The following CSMD1 variants were observed in gnomAD, a reference collection of about 807,000 sequenced individuals.
The protein encoded by CSMD1 is CUB and Sushi multiple domains 1, also known as CUB and sushi domain-containing protein 1.
CSMD1 carries 213 observed loss-of-function variants against 417.5 expected under a neutral mutation model. That is an observed-to-expected ratio of 0.51 (90% CI 0.46 to 0.57). The LOEUF (loss-of-function observed/expected upper bound fraction) is 0.57, where lower values mean the gene tolerates loss of function less well. CSMD1 is among the 20% of genes least tolerant of loss of function. CSMD1 has a pLI of 0.00. For synonymous variants in CSMD1, 2,862 were observed against 1,736.8 expected, an observed-to-expected ratio of 1.65 and a Z score of -16.11; for missense variants, 6,923 against 4,529.7, an observed-to-expected ratio of 1.53 and a Z score of -15.17.
At chr8:3,786,865 G>C (rs138879422) in intron 5 of CSMD1, among the ~76,000 whole-genome samples, 108 of 152,142 alleles carry the variant, frequency 7.1e-4, no homozygotes, top group African/African-American at 2.5e-3. Flanking sequence ...CACATTATGA[G>C]GGCCACACCC....
intron 5 of CSMD1, among the ~76,000 whole-genome samples, chr8:3,877,920 C>T (rs1453240648): frequency 1.3e-5 from 2 of 149,922 alleles, no homozygotes; most frequent in Non-Finnish European, 3.0e-5. Context: ...TTTTATAGGT[C>T]GTGGCCATGA....
At chr8:4,166,130 A>G (rs1198030711) in intron 3 of CSMD1, among the ~76,000 whole-genome samples, 1 of 152,226 alleles carries the variant, frequency 6.6e-6, no homozygotes, top group African/African-American at 2.4e-5. Context: ...TGATGCAAAC[A>G]TAATGTGAAC....
intron 8 of CSMD1, among the ~76,000 whole-genome samples, chr8:3,614,280 A>G (rs1802031278): frequency 6.6e-6 from 1 of 152,162 alleles, no homozygotes; most frequent in South Asian, 2.1e-4. Context: ...ATAAGATTCT[A>G]CAGAAACCTT....
At chr8:3,753,115 C>A (rs1423036097) in intron 6 of CSMD1, among the ~76,000 whole-genome samples, 1 of 152,270 alleles carries the variant, frequency 6.6e-6, no homozygotes, top group East Asian at 1.9e-4. Context: ...CTCTCTGGCA[C>A]ATGGCAGGTG....
At chr8:4,401,292 G>A (rs148712461) in intron 3 of CSMD1, among the ~76,000 whole-genome samples, 6 of 152,034 alleles carry the variant, frequency 3.9e-5, no homozygotes, top group African/African-American at 1.2e-4. Flanking sequence ...AAGTCAAAGT[G>A]CTTTTATAAT....
At chr8:3,985,428 C>A (rs1408134420) in intron 5 of CSMD1, among the ~76,000 whole-genome samples, 2 of 152,058 alleles carry the variant, frequency 1.3e-5, no homozygotes, top group Admixed American at 6.6e-5. Flanking sequence ...TATGTGCACA[C>A]ACACACAAAC....
chr8:3,370,995 A>G (rs138507651), intron 18 of CSMD1, among the ~76,000 whole-genome samples: 7 of 151,864 alleles, frequency 4.6e-5, no homozygotes, highest in African/African-American at 1.7e-4. Context: ...AAGGCAGAGT[A>G]AAGAAAAATT....
At chr8:4,089,790 T>G (rs1466257629) in intron 3 of CSMD1, among the ~76,000 whole-genome samples, 1 of 152,124 alleles carries the variant, frequency 6.6e-6, no homozygotes, top group East Asian at 1.9e-4. Context: ...ATAATGCCAC[T>G]CAGTCTACCG....
chr8:4,356,403 T>C (rs775339951), intron 3 of CSMD1, among the ~76,000 whole-genome samples: 1 of 152,208 alleles, frequency 6.6e-6, no homozygotes, highest in African/African-American at 2.4e-5. Flanking sequence ...TTCTACGATT[T>C]TGCAATTGTC....
intron 7 of CSMD1, among the ~76,000 whole-genome samples, chr8:3,684,200 T>A (rs894173219): frequency 2.1e-5 from 1 of 47,206 alleles, no homozygotes; most frequent in South Asian, 4.7e-4. Context: ...ATATATAACA[T>A]GTAATTATAT....
At chr8:3,131,252 T>C (rs1330089145) in intron 41 of CSMD1, among the ~76,000 whole-genome samples, 10 of 151,994 alleles carry the variant, frequency 6.6e-5, no homozygotes, top group Admixed American at 5.9e-4. Context: ...CTTCAAACCA[T>C]GGTGTAGTAA....
intron 3 of CSMD1, among the ~76,000 whole-genome samples, chr8:4,211,805 C>G (rs143820713): frequency 1.1e-4 from 17 of 152,252 alleles, no homozygotes; most frequent in African/African-American, 3.4e-4. Context: ...TACTTCTGGA[C>G]TTTAGATGAT....
At chr8:3,623,847 T>G (rs1282431275) in intron 7 of CSMD1, among the ~76,000 whole-genome samples, 1 of 151,962 alleles carries the variant, frequency 6.6e-6, no homozygotes, top group East Asian at 1.9e-4. Context: ...CGTGCTGGTG[T>G]GCATCTGTAA....
intron 25 of CSMD1, among the ~76,000 whole-genome samples, chr8:3,285,996 G>A (rs113389353): frequency 0.13 from 20,218 of 151,838 alleles, 1,405 homozygotes; most frequent in Middle Eastern, 0.19. Flanking sequence ...CCCACAACAG[G>A]CCCCAGTGTG....
chr8:4,933,284 C>G (rs529165547), intron 1 of CSMD1, among the ~76,000 whole-genome samples: 6 of 152,262 alleles, frequency 3.9e-5, no homozygotes, highest in Admixed American at 1.3e-4. Flanking sequence ...GCAACATTCT[C>G]TCAGAGGAGC....
intron 10 of CSMD1, among the ~76,000 whole-genome samples, chr8:3,545,010 G>T (rs79624279): frequency 1.2e-4 from 18 of 151,886 alleles, no homozygotes; most frequent in African/African-American, 4.1e-4. Context: ...TTTCTCTCAG[G>T]GAAATTTATC....
intron 49 of CSMD1, among the ~76,000 whole-genome samples, chr8:3,083,154 G>A (rs1279264444): frequency 1.3e-5 from 2 of 151,678 alleles, no homozygotes; most frequent in Non-Finnish European, 1.5e-5. Context: ...TCACATAAAC[G>A]GTGACGATTC....
chr8:3,347,130 G>C (rs1808058598), intron 22 of CSMD1, among the ~76,000 whole-genome samples: 1 of 152,354 alleles, frequency 6.6e-6, no homozygotes, highest in South Asian at 2.1e-4. Flanking sequence ...ACGAATTTGT[G>C]TTGGGCCACA....
At chr8:3,234,889 A>G (rs1395795046) in intron 26 of CSMD1, among the ~76,000 whole-genome samples, 1 of 152,250 alleles carries the variant, frequency 6.6e-6, no homozygotes, top group Non-Finnish European at 1.5e-5. Flanking sequence ...ATATTCCTAT[A>G]GAATCTATGA....
Sources: allele counts gnomAD v4.1 joint callset (sites outside exome capture counted in the v4.1 genomes callset), GRCh38; gene constraint gnomAD v4.1.1; transcripts MANE v1.5; gene names NCBI Gene and HGNC (gene_info 2026-07-23, HGNC 2026-07-21).